The following COPZ1 variants were observed in gnomAD, a reference collection of about 807,000 sequenced individuals.
COPZ1 encodes the protein coat protein complex I subunit zeta 1.
COPZ1 carries 4 observed loss-of-function variants against 31.7 expected under a neutral mutation model. The observed-to-expected ratio is 0.13, with a 90% CI of 0.06 to 0.29. The LOEUF (loss-of-function observed/expected upper bound fraction) is 0.29. Among genes scored for constraint, COPZ1 ranks in the 10% least tolerant of loss-of-function variants. The probability of loss-of-function intolerance (pLI) is 1.00; values close to 1 mark genes in which losing one functional copy is unlikely to be tolerated. For missense variants in COPZ1, 156 were observed against 211.5 expected, an observed-to-expected ratio of 0.74 and a Z score of 1.63; for synonymous variants, 74 against 79.0, an observed-to-expected ratio of 0.94 and a Z score of 0.33.
chr12:54,345,767 T>C (rs1259345455), intron 5 of COPZ1, among the ~76,000 whole-genome samples: 4 of 151,722 alleles, frequency 2.6e-5, no homozygotes, highest in African/African-American at 9.7e-5. Context: ...ACCATCCTGG[T>C]TAACATGGGG....
At chr12:54,349,075 A>G (rs1202451960) in intron 7 of COPZ1, among the ~76,000 whole-genome samples, 2 of 152,230 alleles carry the variant, frequency 1.3e-5, no homozygotes, top group African/African-American at 4.8e-5. Context: ...CTCCATTTGC[A>G]TAGTTTAATC....
rs147673460 is a variant in COPZ1, at chr12:54,345,507, G to A, written c.309G>A (p.Gln103=). 1.6e-4 allele frequency: 251 copies of A among 1,612,630 alleles called. 1 individual carries two copies. The African/African-American group carries it at 3.0e-3, about 19-fold the overall frequency. ...VLNCLFDSLS[Q]MLRKNVEKRA... The stretch of plus-strand genomic sequence containing the variant: ...ACTGTCTCTTCGACTCATTGAGCCA[G>A]ATGCTGAGGTGAGCAGGACATTCTT... Residue 103 remains glutamine, a synonymous_variant, in exon 5 of 9, where the codon CAG becomes CAA. Transcript: ENST00000262061.
rs1565594690 is a variant in COPZ1, at chr12:54,342,223, C to T, written c.105C>T (p.Tyr35=). 1 of 1,613,242 alleles carries T rather than the reference C, an allele frequency of 6.2e-7. No homozygotes were observed. Among genetic ancestry groups the T allele is most frequent in the African/African-American group, 1.3e-5 (1 of 74,874 alleles). ...RLFAKYYDDT[Y]PSVKEQKAFE... is the part of the protein sequence containing the mutation. ...CTGACCAGTACTATGACGACACCTACCCCAGTGTCAAGGAGCAAAAGGCCT... is the reference window on the plus strand; with the variant it reads ...CTGACCAGTACTATGACGACACCTATCCCAGTGTCAAGGAGCAAAAGGCCT... The change falls in exon 3 of 9, where the codon TAC becomes TAT. Residue 35 remains tyrosine (Y), a synonymous_variant. Transcript: ENST00000262061.
At position 54,332,749 on chromosome 12, in the gene COPZ1, A is replaced by G. The variant is rs529579556; in HGVS notation, c.18+7568A>G. On this transcript the variant is annotated intron_variant, in intron 1 of 8. Transcript: ENST00000262061. ...AACTCAGTCTTAAAAAAAAAAAGGG[A>G]AAAAAAAAAAGAAAGCTGGAGGGAG... is the stretch of plus-strand genomic sequence containing the variant. Among the ~76,000 whole-genome samples the G allele has an allele frequency of 3.1e-3, 426 of 139,536 alleles. 4 individuals carry two copies. The highest frequency in any genetic ancestry group is 0.011 in the African/African-American group (389 of 34,804). The allele number at this position is 139,536 out of a possible 152,430, so 91.5% of individuals were successfully genotyped here.
At chr12:54,350,362 A>T in intron 8 of COPZ1, 114 bp from the exon 9 acceptor site, 1 of 855,752 alleles carries the variant, frequency 1.2e-6, no homozygotes, top group East Asian at 2.4e-5. Context: ...GGGATTTTCT[A>T]TTCTCCATTC....
At chr12:54,348,454 T>A (rs1017541933) in intron 7 of COPZ1, among the ~76,000 whole-genome samples, 1 of 152,170 alleles carries the variant, frequency 6.6e-6, no homozygotes, top group African/African-American at 2.4e-5. Flanking sequence ...AAGTGTTACA[T>A]AGGACTGAGC....
rs373760833 is a variant in COPZ1, at chr12:54,350,490, C to T, written c.501C>T (p.Ala167=). The change falls in exon 9 of 9, where the codon GCC becomes GCT. Residue 167 remains alanine, a synonymous_variant. Transcript: ENST00000262061. The part of the protein sequence containing the change: ...EQTVSQVLQS[A]KEQIKWSLLR ...TATCTCTGCAGGTGCTGCAGTCAGCCAAAGAACAGATCAAGTGGTCACTCC... is the reference window on the plus strand; with the variant it reads ...TATCTCTGCAGGTGCTGCAGTCAGCTAAAGAACAGATCAAGTGGTCACTCC... 11 of 1,613,950 alleles carry T rather than the reference C, an allele frequency of 6.8e-6. No homozygotes were observed. The highest frequency in any genetic ancestry group is 6.7e-5 in the Admixed American group (4 of 59,996).
chr12:54,335,967 T>A (rs1483481577), intron 1 of COPZ1, among the ~76,000 whole-genome samples: 2 of 152,148 alleles, frequency 1.3e-5, no homozygotes, highest in Non-Finnish European at 2.9e-5. Context: ...CATGAGCCAC[T>A]GCGCCTGGCC....
At position 54,332,935 on chromosome 12, in the gene COPZ1, CTT is replaced by C. The variant is rs1394338731; in HGVS notation, c.19-7608_19-7607del. Among the ~76,000 whole-genome samples, 14 of 152,222 alleles carry C rather than the reference CTT, an allele frequency of 9.2e-5. No homozygotes were observed. The South Asian group carries it at 1.2e-3, about 14-fold the overall frequency. On this transcript the variant is annotated intron_variant, in intron 1 of 8. Transcript: ENST00000262061. Reference sequence around the variant, plus strand: ...TACAAAAGTATCACTCATTTCCCCTCTTTTTCCTGCCCCCTCCACACCATCTT... The same window carrying C: ...TACAAAAGTATCACTCATTTCCCCTCTTTCCTGCCCCCTCCACACCATCTT...
chr12:54,329,274 C>T (rs186632047), intron 1 of COPZ1, among the ~76,000 whole-genome samples: 69 of 152,198 alleles, frequency 4.5e-4, no homozygotes, highest in Non-Finnish European at 7.4e-4. Flanking sequence ...ATTTCCCCTT[C>T]CTCCTTCCTG....
intron 3 of COPZ1, 150 bp from the exon 4 acceptor site, chr12:54,343,075 T>C: frequency 1.5e-6 from 1 of 687,524 alleles, no homozygotes; most frequent in Non-Finnish European, 2.6e-6. Flanking sequence ...CAGGCTGGTC[T>C]TGAACTCCTG....
In COPZ1 at chr12:54,350,797, A is replaced by C; in HGVS notation, c.*274A>C. On this transcript the variant is annotated 3_prime_UTR_variant, in exon 9 of 9. Coordinates refer to ENST00000262061, the MANE Select transcript of COPZ1 (RefSeq NM_016057.3). Reference sequence around the variant, plus strand: ...TTTCTTTCTAGACTGGATTATGCTCACATGCTCCCTTGCCCTGACATTTTT... The same window carrying C: ...TTTCTTTCTAGACTGGATTATGCTCCCATGCTCCCTTGCCCTGACATTTTT... 1.9e-6 allele frequency: 1 copy of C among 522,196 alleles called. No individual in the cohort carries two copies. Among genetic ancestry groups the C allele is most frequent in the East Asian group, 3.2e-5 (1 of 31,466 alleles). The allele number at this position is 522,196 out of a possible 1,614,324, so 32.3% of individuals were successfully genotyped here.
intron 1 of COPZ1, chr12:54,340,335 A>G: frequency 1.5e-6 from 1 of 682,818 alleles, no homozygotes; most frequent in East Asian, 3.0e-5. Flanking sequence ...GTACTTTGGA[A>G]TCCTTTGTTT....
At chr12:54,331,898 C>G (rs1953761555) in intron 1 of COPZ1, among the ~76,000 whole-genome samples, 2 of 152,188 alleles carry the variant, frequency 1.3e-5, no homozygotes, top group Non-Finnish European at 2.9e-5. Context: ...GGCCTCAGGT[C>G]TGGAGTATAG....
intron 5 of COPZ1, chr12:54,346,662 C>T (rs1414367297): frequency 1.6e-5 from 11 of 701,728 alleles, no homozygotes; most frequent in Non-Finnish European, 2.9e-5. Context: ...TCAAGACAAG[C>T]TTGGGCAACA....
chr12:54,339,980 CGTGTGTGTGT>C (rs10522684), intron 1 of COPZ1, among the ~76,000 whole-genome samples: 221 of 142,122 alleles, frequency 1.6e-3, no homozygotes, highest in South Asian at 4.3e-3. Context: ...TGTGCCTGTG[CGTGTGTGTGT>C]GTGTGTGTGT....
chr12:54,326,306 A>AT (rs1232367764), intron 1 of COPZ1, among the ~76,000 whole-genome samples: 2 of 142,094 alleles, frequency 1.4e-5, no homozygotes, highest in Non-Finnish European at 3.1e-5. Flanking sequence ...CTCCCGGCTA[A>AT]TTTTTTGTAT....
At chr12:54,343,489 G>A (rs757023006) in intron 4 of COPZ1, among the ~76,000 whole-genome samples, 173 bp downstream of exon 4, 8 of 152,134 alleles carry the variant, frequency 5.3e-5, no homozygotes, top group Non-Finnish European at 8.8e-5. Context: ...CAAATGAATC[G>A]CCTAGAAAGG....
rs1954141039 is a variant in COPZ1 at position 54,351,173 on chromosome 12, C to T, written c.*650C>T. 6.5e-6 allele frequency: 1 copy of T among 153,272 alleles called. No individual in the cohort carries two copies. Among genetic ancestry groups the T allele is most frequent in the South Asian group, 2.0e-4 (1 of 4,896 alleles). The allele number at this position is 153,272 out of a possible 1,614,324, so 9.5% of individuals were successfully genotyped here. ...CAGGGCATATAAAATGCATTCTGTA[C>T]CCTGATCTGGCATATAGCTTCAAAA... On this transcript the variant is annotated 3_prime_UTR_variant, in exon 9 of 9. Coordinates refer to ENST00000262061, the MANE Select transcript of COPZ1 (RefSeq NM_016057.3).
Sources: gnomAD v4.1 joint callset for allele counts (sites outside exome capture counted in the v4.1 genomes callset) on GRCh38, gnomAD v4.1.1 for gene constraint, MANE v1.5 for transcripts, NCBI Gene and HGNC (gene_info 2026-07-23, HGNC 2026-07-21) for gene names.